ILDR1: variants seen among roughly 807,000 people sequenced by gnomAD.
The protein encoded by ILDR1 is immunoglobulin-like domain-containing receptor 1.
Under a neutral mutation model 62.4 loss-of-function variants are expected in ILDR1, and 56 were observed. The observed-to-expected ratio is 0.90, with a 90% confidence interval of 0.72 to 1.12. The LOEUF (loss-of-function observed/expected upper bound fraction) is 1.12, where lower values mean the gene tolerates loss of function less well. ILDR1 is among the 50% of genes most tolerant of loss of function. The pLI, the probability that ILDR1 is intolerant of heterozygous loss-of-function variation, is 0.00. For missense variants in ILDR1, 736 were observed against 710.6 expected, an observed-to-expected ratio of 1.04 and a Z score of -0.41; for synonymous variants, 284 against 277.8, an observed-to-expected ratio of 1.02 and a Z score of -0.22.
intron 3 of ILDR1, 34 bp downstream of exon 3, chr3:122,005,210 C>CCCCCCGTT: frequency 3.3e-6 from 4 of 1,198,848 alleles, no homozygotes; most frequent in Admixed American, 3.5e-5. Flanking sequence ...CCTCCCCCCA[C>CCCCCCGTT]CCCCAGTTCC....
At chr3:121,995,063 G>T (rs2071416492) in intron 5 of ILDR1, among the ~76,000 whole-genome samples, 1 of 152,184 alleles carries the variant, frequency 6.6e-6, no homozygotes, top group Admixed American at 6.5e-5. Context: ...AAAAAGTAGT[G>T]CAAGGGATCC....
At chr3:122,028,691 C>T in the ILDR1 span, among the ~76,000 whole-genome samples, 4 of 152,136 alleles carry the variant, frequency 2.6e-5, no homozygotes, top group Admixed American at 6.5e-5. Context: ...TCAACTTGTA[C>T]CGGTAATCAG....
rs748441415 is a variant in ILDR1 at position 121,993,284 on chromosome 3, G to A, written c.1465C>T (p.Pro489Ser). Residue 489 changes from proline to serine, a missense_variant, in exon 7 of 8, where the codon CCC (proline) becomes TCC (serine). Coordinates refer to ENST00000344209, the MANE Select transcript of ILDR1 (RefSeq NM_001199799.2). The part of the protein sequence containing the change: ...WSSEEDKERQ[P>S]QSWRAHRRGS... ...CGGCGGTGGGCCCGCCAGCTCTGGG[G>A]CTGCCTCTCCTTGTCCTCTTCAGAG... The A allele has an allele frequency of 1.2e-6, 2 of 1,613,598 alleles. No homozygotes were observed. Among genetic ancestry groups the A allele is most frequent in the Non-Finnish European group, 1.7e-6 (2 of 1,179,814 alleles).
chr3:122,037,886 C>T, the ILDR1 span, among the ~76,000 whole-genome samples: 1 of 152,086 alleles, frequency 6.6e-6, no homozygotes, highest in Admixed American at 6.6e-5. Flanking sequence ...AATGAGTTCT[C>T]ATGATGTATG....
At chr3:121,994,462 T>C (rs1235314775) in intron 5 of ILDR1, 149 bp from the exon 6 acceptor site, 1 of 870,994 alleles carries the variant, frequency 1.1e-6, no homozygotes, top group Non-Finnish European at 1.6e-6. Flanking sequence ...GTTAAGGGGG[T>C]AGTAAATTAA....
the ILDR1 span, among the ~76,000 whole-genome samples, chr3:122,055,191 G>T: frequency 1.3e-5 from 2 of 152,150 alleles, no homozygotes; most frequent in East Asian, 1.9e-4. Context: ...TCATCTTAAC[G>T]TCATGTCTGG....
chr3:122,030,375 G>C, the ILDR1 span, among the ~76,000 whole-genome samples: 2 of 151,892 alleles, frequency 1.3e-5, no homozygotes, highest in Non-Finnish European at 2.9e-5. Context: ...AATCAGTATG[G>C]AAACAGACAC....
At chr3:122,047,451 A>G in the ILDR1 span, among the ~76,000 whole-genome samples, 2,634 of 152,302 alleles carry the variant, frequency 0.017, 33 homozygotes, top group Non-Finnish European at 0.028. Flanking sequence ...ACCCAGTTGG[A>G]GCTTCCTGGC....
At chr3:121,998,364 A>G (rs889218234) in intron 5 of ILDR1, among the ~76,000 whole-genome samples, 4 of 152,202 alleles carry the variant, frequency 2.6e-5, no homozygotes, top group African/African-American at 9.7e-5. Context: ...TCCTCTAACC[A>G]AAGAGCTTTC....
chr3:122,026,388 G>T (rs893719887), upstream of ILDR1, among the ~76,000 whole-genome samples: 1 of 152,194 alleles, frequency 6.6e-6, no homozygotes, highest in Non-Finnish European at 1.5e-5. Context: ...TGACAGTTAT[G>T]TAGAATGTGG....
At chr3:122,010,417 T>C (rs780946885) in intron 1 of ILDR1, among the ~76,000 whole-genome samples, 2 of 151,908 alleles carry the variant, frequency 1.3e-5, no homozygotes, top group Non-Finnish European at 2.9e-5. Flanking sequence ...GAAAAAAAAA[T>C]ATATATCATT....
intron 1 of ILDR1, among the ~76,000 whole-genome samples, chr3:122,008,038 A>T (rs2071642752): frequency 6.6e-6 from 1 of 152,218 alleles, no homozygotes; most frequent in Non-Finnish European, 1.5e-5. Context: ...AGTGCCCAGT[A>T]CTGTGCCTGT....
intron 1 of ILDR1, 44 bp from the exon 2 acceptor site, chr3:122,007,205 G>T (rs1375130418): frequency 6.2e-7 from 1 of 1,613,722 alleles, no homozygotes; most frequent in Non-Finnish European, 8.5e-7. Flanking sequence ...GACCTACTCT[G>T]CTCATGGGTA....
In ILDR1 at chr3:122,001,986, A is replaced by T. The variant is rs567172148; in HGVS notation, c.380-122T>A. The T allele has an allele frequency of 2.0e-4, 233 of 1,173,010 alleles. No homozygotes were observed. In the East Asian group the frequency reaches 5.7e-3, roughly 29 times the overall value. 72.7% of individuals were successfully genotyped at this position (1,173,010 alleles called of 1,614,324 possible). A position where few individuals can be genotyped will look rare whatever the true frequency, so the allele number is the denominator to read the frequency against. On this transcript the variant is annotated intron_variant, in intron 3 of 7. Transcript: ENST00000344209. The stretch of plus-strand genomic sequence containing the variant: ...TTGTATTTACAAAAAATAATAAAAA[A>T]AAAATTATCCAGCCATGGTGGCATG...
At chr3:122,008,066 A>G (rs1244602431) in intron 1 of ILDR1, among the ~76,000 whole-genome samples, 2 of 152,318 alleles carry the variant, frequency 1.3e-5, no homozygotes, top group African/African-American at 4.8e-5. Flanking sequence ...TTGGCACCCA[A>G]CAAATGCTTG....
intron 5 of ILDR1, among the ~76,000 whole-genome samples, chr3:121,999,468 C>G (rs965070000): frequency 6.6e-6 from 1 of 152,156 alleles, no homozygotes; most frequent in Non-Finnish European, 1.5e-5. Context: ...ACCATGTATT[C>G]TGTAGCCAAC....
In ILDR1 at chr3:122,006,988, C is replaced by T; in HGVS notation, c.229+3G>A. On this transcript the variant is annotated splice_donor_region_variant and intron_variant, in intron 2 of 7. Coordinates refer to ENST00000344209, the MANE Select transcript of ILDR1 (RefSeq NM_001199799.2). Reference sequence around the variant, plus strand: ...AGAGGGCCAAGGGGGTAAGGATACTCACACGCTGAGTAGTAGTCAAAGATA... The same window carrying T: ...AGAGGGCCAAGGGGGTAAGGATACTTACACGCTGAGTAGTAGTCAAAGATA... 6.2e-7 allele frequency: 1 copy of T among 1,611,508 alleles called. No homozygotes were observed. Among genetic ancestry groups the T allele is most frequent in the Non-Finnish European group, 8.5e-7 (1 of 1,179,516 alleles).
chr3:122,052,030 C>T, the ILDR1 span, among the ~76,000 whole-genome samples: 1 of 152,012 alleles, frequency 6.6e-6, no homozygotes, highest in Non-Finnish European at 1.5e-5. Context: ...AGCCCCTAGT[C>T]TTCTAGAGTA....
chr3:122,030,621 TTTTCTCTCTC>T, the ILDR1 span, among the ~76,000 whole-genome samples: 12 of 101,114 alleles, frequency 1.2e-4, no homozygotes, highest in Admixed American at 6.4e-4. Flanking sequence ...AGGCAAGGGT[TTTTCTCTCTC>T]TCTCTCTCTC....
Sources: gnomAD v4.1 joint callset for allele counts (sites outside exome capture counted in the v4.1 genomes callset) on GRCh38, gnomAD v4.1.1 for gene constraint, MANE v1.5 for transcripts, NCBI Gene and HGNC (gene_info 2026-07-23, HGNC 2026-07-21) for gene names.